The following DNM3 variants were observed in gnomAD, a reference collection of about 807,000 sequenced individuals.
The protein encoded by DNM3 is dynamin 3, also known as dynamin-3.
In DNM3, 47 loss-of-function variants were observed where a neutral mutation model predicts 101.6. That is an observed-to-expected ratio of 0.46 (90% CI 0.37 to 0.59). The LOEUF is 0.59. Ranked by LOEUF, DNM3 falls within the 20% of genes least tolerant of loss-of-function variation. The pLI is 0.00. For synonymous variants in DNM3, 385 were observed against 387.9 expected (o/e 0.99, Z 0.09); for missense variants, 849 against 1,085.7 (o/e 0.78, Z 3.06).
chr1:172,165,380 A>G (rs1367676650), intron 14 of DNM3, among the ~76,000 whole-genome samples: 1 of 152,138 alleles, frequency 6.6e-6, no homozygotes, highest in Non-Finnish European at 1.5e-5. Flanking sequence ...TGCATGTTTA[A>G]TATTTATACG....
chr1:172,260,192 T>C (rs2148709458), intron 15 of DNM3, among the ~76,000 whole-genome samples: 1 of 152,248 alleles, frequency 6.6e-6, no homozygotes, highest in African/African-American at 2.4e-5. Context: ...AAATCTGCTG[T>C]TAGTCTGATG....
chr1:172,064,723 G>C (rs1447797028), intron 10 of DNM3, among the ~76,000 whole-genome samples: 1 of 152,020 alleles, frequency 6.6e-6, no homozygotes, highest in Non-Finnish European at 1.5e-5. Context: ...CCAAGATTTT[G>C]ACTCTTATAC....
chr1:172,030,680 C>T (rs1219495497), intron 4 of DNM3, among the ~76,000 whole-genome samples: 4 of 151,902 alleles, frequency 2.6e-5, no homozygotes, highest in Non-Finnish European at 5.9e-5. Flanking sequence ...CCAGAATCTA[C>T]AAAGAACATA....
intron 14 of DNM3, among the ~76,000 whole-genome samples, chr1:172,252,511 T>C (rs1479804286): frequency 6.6e-6 from 1 of 152,116 alleles, no homozygotes. Flanking sequence ...TTAATAGTCG[T>C]TTATTAAAAG....
chr1:172,013,578 G>C (rs1434279561), intron 4 of DNM3, among the ~76,000 whole-genome samples: 1 of 152,058 alleles, frequency 6.6e-6, no homozygotes, highest in Non-Finnish European at 1.5e-5. Context: ...TATGATTTCA[G>C]TGTACATAGG....
chr1:171,971,743 T>G (rs2044010482), intron 2 of DNM3, among the ~76,000 whole-genome samples: 1 of 152,148 alleles, frequency 6.6e-6, no homozygotes, highest in East Asian at 1.9e-4. Context: ...CCAGAAAACC[T>G]TATCACAAAA....
At chr1:172,191,926 C>A (rs547173010) in intron 14 of DNM3, among the ~76,000 whole-genome samples, 1 of 151,946 alleles carries the variant, frequency 6.6e-6, no homozygotes, top group African/African-American at 2.4e-5. Context: ...GCTGAGATGA[C>A]GGGTTTTTCT....
chr1:172,053,643 G>A (rs571079762), intron 10 of DNM3, among the ~76,000 whole-genome samples: 2 of 152,090 alleles, frequency 1.3e-5, no homozygotes, highest in Non-Finnish European at 2.9e-5. Context: ...CAATTTAGAT[G>A]TTCTAAAGTT....
chr1:172,395,878 G>T (rs1278557638), intron 20 of DNM3, among the ~76,000 whole-genome samples: 1 of 152,192 alleles, frequency 6.6e-6, no homozygotes, highest in Non-Finnish European at 1.5e-5. Context: ...GTGGGGGATG[G>T]GAGGGCAGTG....
rs2071021177 is a variant in DNM3 at position 172,408,085 on chromosome 1, A to G, written c.*244A>G. ...TGTACTGACCAAGGTAGGTTTGTATAGCAGCCCTATACTTTGGGGATCATT... is the reference window on the plus strand; with the variant it reads ...TGTACTGACCAAGGTAGGTTTGTATGGCAGCCCTATACTTTGGGGATCATT... On this transcript the variant is annotated 3_prime_UTR_variant, in exon 21 of 21. Coordinates refer to ENST00000627582, the MANE Select transcript of DNM3 (RefSeq NM_015569.5). 1.5e-6 allele frequency: 2 copies of G among 1,335,774 alleles called. No individual in the cohort carries two copies. The highest frequency in any genetic ancestry group is 1.9e-6 in the Non-Finnish European group (2 of 1,039,766). 82.7% of individuals were successfully genotyped at this position (1,335,774 alleles called of 1,614,324 possible).
chr1:171,907,279 G>T lies in DNM3; in HGVS notation c.162-14469G>T, dbSNP rs180912167. On this transcript the variant is annotated intron_variant, in intron 1 of 20. Transcript: ENST00000627582. ...GGCTGAGGCGGGCAGATCACCTGAGGTTGGGAGTTCAAGATCAGCCTGACC... is the reference window on the plus strand; with the variant it reads ...GGCTGAGGCGGGCAGATCACCTGAGTTTGGGAGTTCAAGATCAGCCTGACC... Among the ~76,000 whole-genome samples, 51 of 152,262 alleles carry T rather than the reference G, an allele frequency of 3.3e-4. No individual in the cohort carries two copies. In the East Asian group the frequency reaches 7.7e-3, roughly 23 times the overall value.
intron 14 of DNM3, among the ~76,000 whole-genome samples, chr1:172,215,817 T>A (rs1449497860): frequency 2.0e-5 from 3 of 151,964 alleles, no homozygotes; most frequent in African/African-American, 7.2e-5. Context: ...GTTGAACCAC[T>A]GTGTGAATCT....
intron 12 of DNM3, among the ~76,000 whole-genome samples, chr1:172,087,965 A>C (rs2053647093): frequency 6.6e-6 from 1 of 152,154 alleles, no homozygotes; most frequent in Admixed American, 6.5e-5. Context: ...ACTGTACCAT[A>C]CTTTTGCTTT....
At chr1:172,315,507 G>A (rs1299585426) in intron 16 of DNM3, among the ~76,000 whole-genome samples, 1 of 152,154 alleles carries the variant, frequency 6.6e-6, no homozygotes, top group East Asian at 1.9e-4. Context: ...TTAGACAAAT[G>A]TATAACTAGA....
intron 2 of DNM3, among the ~76,000 whole-genome samples, chr1:171,974,833 TCTC>T (rs1365480062): frequency 1.3e-5 from 2 of 151,940 alleles, no homozygotes; most frequent in Non-Finnish European, 2.9e-5. Context: ...TCTTCTTTTT[TCTC>T]CTCCTCCTTC....
intron 14 of DNM3, among the ~76,000 whole-genome samples, chr1:172,197,672 T>G (rs1000044838): frequency 1.3e-5 from 2 of 152,136 alleles, no homozygotes; most frequent in African/African-American, 4.8e-5. Flanking sequence ...TTTGTGGCAC[T>G]TATGAATGGG....
intron 14 of DNM3, among the ~76,000 whole-genome samples, chr1:172,131,582 A>C (rs2148079385): frequency 6.6e-6 from 1 of 152,284 alleles, no homozygotes; most frequent in Admixed American, 6.5e-5. Flanking sequence ...TAATCATGTC[A>C]ATGTACTGGT....
At chr1:172,015,552 TA>T (rs2047395444) in intron 4 of DNM3, among the ~76,000 whole-genome samples, 1 of 152,186 alleles carries the variant, frequency 6.6e-6, no homozygotes, top group Non-Finnish European at 1.5e-5. Flanking sequence ...AATGTACTTT[TA>T]ATTTCAAATT....
chr1:171,925,956 G>A (rs1376477221), intron 2 of DNM3, among the ~76,000 whole-genome samples: 1 of 152,160 alleles, frequency 6.6e-6, no homozygotes, highest in Non-Finnish European at 1.5e-5. Flanking sequence ...CATTTATTGA[G>A]TAGGATGTTC....
Sources: allele counts gnomAD v4.1 joint callset (sites outside exome capture counted in the v4.1 genomes callset), GRCh38; gene constraint gnomAD v4.1.1; transcripts MANE v1.5; gene names NCBI Gene and HGNC (gene_info 2026-07-23, HGNC 2026-07-21).